The following HS6ST3 variants were observed in gnomAD, a reference collection of about 807,000 sequenced individuals.
HS6ST3 encodes the protein heparan sulfate 6-O-sulfotransferase 3.
In HS6ST3, 12 loss-of-function variants were observed where a neutral mutation model predicts 36.7. The observed-to-expected ratio is 0.33, with a 90% CI of 0.21 to 0.53. HS6ST3 has a LOEUF of 0.53. HS6ST3 is among the 20% of genes least tolerant of loss of function. The pLI, the probability that HS6ST3 is intolerant of heterozygous loss-of-function variation, is 0.95. For synonymous variants in HS6ST3, 240 were observed against 257.5 expected (o/e 0.93, Z 0.65); for missense variants, 584 against 640.9 (o/e 0.91, Z 0.96).
rs117718812 is a variant in HS6ST3 at position 96,256,800 on chromosome 13, C to A, written c.707+165231C>A. Reference sequence around the variant, plus strand: ...GGATGTATTAAGAGTTACAACCAACCCTTGGTTGTCCATGGTGAGAATTGC... The same window carrying A: ...GGATGTATTAAGAGTTACAACCAACACTTGGTTGTCCATGGTGAGAATTGC... On this transcript the variant is annotated intron_variant, in intron 1 of 1. Transcript: ENST00000376705. 8.5e-3 allele frequency among the ~76,000 whole-genome samples: 1,287 copies of A among 152,164 alleles called. 11 individuals are homozygous for A. The highest frequency in any genetic ancestry group is 0.027 in the Middle Eastern group (8 of 294).
In HS6ST3 at chr13:96,832,706, T is replaced by C; in HGVS notation, c.924T>C (p.Asn308=). ...ATTGCACCTACAACCTGGCTAACAA[T>C]CGCCAGGTGCGCATGCTGGCTGACC... ...FMDCTYNLAN[N]RQVRMLADLS... Residue 308 remains asparagine, a synonymous_variant, in exon 2 of 2, where the codon AAT becomes AAC. Coordinates refer to ENST00000376705, the MANE Select transcript of HS6ST3 (RefSeq NM_153456.4). 6.2e-7 allele frequency: 1 copy of C among 1,614,016 alleles called. No homozygotes were observed. The highest frequency in any genetic ancestry group is 1.6e-4 in the Middle Eastern group (1 of 6,062).
intron 1 of HS6ST3, among the ~76,000 whole-genome samples, chr13:96,297,716 A>C (rs889227518): frequency 2.0e-5 from 3 of 152,140 alleles, no homozygotes; most frequent in Non-Finnish European, 4.4e-5. Flanking sequence ...GATGTGTCCC[A>C]GATGAAGGCA....
intron 1 of HS6ST3, among the ~76,000 whole-genome samples, chr13:96,818,978 A>G (rs967724514): frequency 6.6e-6 from 1 of 152,250 alleles, no homozygotes; most frequent in Admixed American, 6.5e-5. Flanking sequence ...CTTCTTAAGT[A>G]TATTTAGATT....
At chr13:96,448,877 C>T (rs879315567) in intron 1 of HS6ST3, among the ~76,000 whole-genome samples, 1 of 152,124 alleles carries the variant, frequency 6.6e-6, no homozygotes, top group Non-Finnish European at 1.5e-5. Context: ...TTAGCAGCCA[C>T]AGAATGAGCA....
intron 1 of HS6ST3, among the ~76,000 whole-genome samples, chr13:96,172,563 A>C (rs1566899159): frequency 6.6e-6 from 1 of 152,340 alleles, no homozygotes; most frequent in South Asian, 2.1e-4. Context: ...GGAACATAGT[A>C]ACACTTTATC....
chr13:96,187,440 G>A (rs1026893026), intron 1 of HS6ST3, among the ~76,000 whole-genome samples: 14 of 152,174 alleles, frequency 9.2e-5, no homozygotes, highest in African/African-American at 3.1e-4. Context: ...AGGATATTGA[G>A]ACTTAGAATA....
intron 1 of HS6ST3, chr13:96,574,384 C>G: frequency 2.1e-6 from 1 of 479,942 alleles, no homozygotes. Context: ...GAAAAATGGT[C>G]AAACTCACCA....
At chr13:96,120,534 A>C (rs1306198855) in intron 1 of HS6ST3, among the ~76,000 whole-genome samples, 1 of 152,238 alleles carries the variant, frequency 6.6e-6, no homozygotes. Context: ...TTTCCTATAC[A>C]TCATAGAGTT....
At chr13:96,731,274 C>T (rs1876146584) in intron 1 of HS6ST3, among the ~76,000 whole-genome samples, 1 of 152,168 alleles carries the variant, frequency 6.6e-6, no homozygotes, top group South Asian at 2.1e-4. Flanking sequence ...CGGGTAACCA[C>T]CATTCAACTA....
chr13:96,648,159 T>C lies in HS6ST3; in HGVS notation c.708-184331T>C, dbSNP rs2056595194. Among the ~76,000 whole-genome samples, 4 of 152,172 alleles carry C rather than the reference T, an allele frequency of 2.6e-5. No individual in the cohort carries two copies. In the South Asian group the frequency reaches 8.3e-4, roughly 32 times the overall value. On this transcript the variant is annotated intron_variant, in intron 1 of 1. Transcript: ENST00000376705. ...TTATACCAGAGAAATTGGCAAATGC[T>C]ACAAATTACAGTCCCCTCCCCTGGA...
At chr13:96,480,167 G>A (rs779220010) in intron 1 of HS6ST3, among the ~76,000 whole-genome samples, 22 of 152,282 alleles carry the variant, frequency 1.4e-4, no homozygotes, top group East Asian at 5.8e-4. Context: ...AGGCTGGAGC[G>A]CGGTGGCATG....
chr13:96,160,839 A>G (rs2054132361), intron 1 of HS6ST3, among the ~76,000 whole-genome samples: 1 of 152,202 alleles, frequency 6.6e-6, no homozygotes. Flanking sequence ...AGACGCTTGC[A>G]GGCATGCAAT....
At chr13:96,392,828 G>A (rs1374377672) in intron 1 of HS6ST3, among the ~76,000 whole-genome samples, 2 of 152,186 alleles carry the variant, frequency 1.3e-5, no homozygotes, top group Non-Finnish European at 2.9e-5. Flanking sequence ...CAATATCCTG[G>A]GAGCTGTGGC....
At chr13:96,545,825 T>C (rs556655176) in intron 1 of HS6ST3, among the ~76,000 whole-genome samples, 35 of 152,184 alleles carry the variant, frequency 2.3e-4, no homozygotes, top group Non-Finnish European at 4.7e-4. Flanking sequence ...CATCCACAGA[T>C]ATTAAGAAGA....
At chr13:96,791,829 T>C (rs940993642) in intron 1 of HS6ST3, among the ~76,000 whole-genome samples, 2 of 152,084 alleles carry the variant, frequency 1.3e-5, no homozygotes, top group African/African-American at 2.4e-5. Flanking sequence ...TTCCTGTAAG[T>C]CTTTGCTAAG....
At chr13:96,334,762 G>C (rs1014682078) in intron 1 of HS6ST3, among the ~76,000 whole-genome samples, 7 of 152,074 alleles carry the variant, frequency 4.6e-5, no homozygotes, top group Non-Finnish European at 8.8e-5. Flanking sequence ...CTCCCACCGG[G>C]TCCCTCCCAC....
At chr13:96,746,134 G>T (rs1876554874) in intron 1 of HS6ST3, among the ~76,000 whole-genome samples, 1 of 151,990 alleles carries the variant, frequency 6.6e-6, no homozygotes, top group Non-Finnish European at 1.5e-5. Context: ...GTATTTTCTT[G>T]CCAGGATTAA....
intron 1 of HS6ST3, among the ~76,000 whole-genome samples, chr13:96,764,108 A>T (rs141402231): frequency 2.9e-4 from 44 of 152,334 alleles, no homozygotes; most frequent in African/African-American, 9.9e-4. Flanking sequence ...GATTCTAAGG[A>T]TTTCTTTACA....
chr13:96,545,985 A>G (rs2056196276), intron 1 of HS6ST3, among the ~76,000 whole-genome samples: 1 of 152,162 alleles, frequency 6.6e-6, no homozygotes, highest in East Asian at 1.9e-4. Flanking sequence ...GTGGGCACTC[A>G]AGAAATATTT....
Sources: gnomAD v4.1 joint callset for allele counts (sites outside exome capture counted in the v4.1 genomes callset) on GRCh38, gnomAD v4.1.1 for gene constraint, MANE v1.5 for transcripts, NCBI Gene and HGNC (gene_info 2026-07-23, HGNC 2026-07-21) for gene names.